The following ZNF514 variants were observed in gnomAD, a reference collection of about 807,000 sequenced individuals.
ZNF514 encodes the protein zinc finger protein 514.
ZNF514 carries 12 observed loss-of-function variants against 9.7 expected under a neutral mutation model. The observed-to-expected ratio is 1.24, with a 90% CI of 0.79 to 2.01. ZNF514 has a LOEUF of 2.01. Ranked by LOEUF, ZNF514 falls within the 30% of genes most tolerant of loss-of-function variation. The probability of loss-of-function intolerance (pLI) is 0.00; values close to 1 mark genes in which losing one functional copy is unlikely to be tolerated. For synonymous variants in ZNF514, 158 were observed against 163.7 expected (o/e 0.97, Z 0.27); for missense variants, 467 against 465.5 (o/e 1.00, Z -0.03).
rs200080144 is a variant in ZNF514, at chr2:95,149,530, G to A, written c.955C>T (p.Arg319Trp). ...THTGEKPYEC[R>W]ECGRTFSQSS... The stretch of plus-strand genomic sequence containing the variant: ...TGGCTGAAGGTTCTCCCACATTCCC[G>A]GCATTCATAGGGCTTTTCTCCAGTA... Residue 319 changes from arginine (R) to tryptophan (W), a missense_variant, in exon 5 of 5, where the codon CGG (arginine) becomes TGG (tryptophan). Physicochemically the swap from Arg to Trp is moderately radical, Grantham distance 101 (BLOSUM62 -3). Transcript: ENST00000295208. 1.2e-4 allele frequency: 192 copies of A among 1,612,780 alleles called. No individual in the cohort carries two copies. The highest frequency in any genetic ancestry group is 1.6e-4 in the Middle Eastern group (1 of 6,074).
chr2:95,127,950 G>T, the ZNF514 span, among the ~76,000 whole-genome samples: 1 of 151,850 alleles, frequency 6.6e-6, no homozygotes, highest in African/African-American at 2.4e-5. Context: ...CTATATTTTT[G>T]ACCTAAAGAG....
chr2:95,154,892 G>C (rs1673648796), intron 2 of ZNF514: 1 of 152,130 alleles, frequency 6.6e-6, no homozygotes, highest in African/African-American at 2.4e-5. Context: ...AATTTCAAAA[G>C]GCTCCCAGTA....
chr2:95,157,222 G>C, intron 2 of ZNF514, 129 bp downstream of exon 2: 1 of 475,952 alleles, frequency 2.1e-6, no homozygotes, highest in Non-Finnish European at 3.7e-6. Context: ...CACTTGGATG[G>C]GCTCAGCCTC....
chr2:95,156,096 G>A (rs1673679680), intron 2 of ZNF514, among the ~76,000 whole-genome samples: 1 of 152,230 alleles, frequency 6.6e-6, no homozygotes, highest in Non-Finnish European at 1.5e-5. Context: ...TCTGAATGAT[G>A]TACATCAGGG....
In ZNF514 at chr2:95,148,420, A is replaced by G. The variant is rs921828591; in HGVS notation, c.*862T>C. ...GATTTCTCAGCTTCTTTTCAGCTCT[A>G]GTTTTATACATCTCAAGTTGGAAAG... is the stretch of plus-strand genomic sequence containing the variant. On this transcript the variant is annotated 3_prime_UTR_variant, in exon 5 of 5. Coordinates refer to ENST00000295208, the MANE Select transcript of ZNF514 (RefSeq NM_032788.3). 4 of 152,210 alleles carry G rather than the reference A, an allele frequency of 2.6e-5. No individual in the cohort carries two copies. The highest frequency in any genetic ancestry group is 9.6e-5 in the African/African-American group (4 of 41,454). The allele number at this position is 152,210 out of a possible 1,614,324, so 9.4% of individuals were successfully genotyped here. A position where few individuals can be genotyped will look rare whatever the true frequency, so the allele number is the denominator to read the frequency against.
chr2:95,150,161 C>T lies in ZNF514; in HGVS notation c.324G>A (p.Leu108=), dbSNP rs766532512. 3 of 1,610,022 alleles carry T rather than the reference C, an allele frequency of 1.9e-6. No homozygotes were observed. The highest frequency in any genetic ancestry group is 2.5e-6 in the Non-Finnish European group (3 of 1,179,984). ...AGGCTGCTTTCAACTTCGAGAACTG[C>T]AGCACATCTTGAATGTGTTTTTCCA... ...VSVEKHIQDV[L]QFSKLKAACG... Residue 108 remains leucine (L), a synonymous_variant, in exon 5 of 5, where the codon CTG becomes CTA. Transcript: ENST00000295208.
At chr2:95,129,748 G>T in the ZNF514 span, among the ~76,000 whole-genome samples, 6 of 152,154 alleles carry the variant, frequency 3.9e-5, no homozygotes, top group African/African-American at 1.2e-4. Context: ...GCTCAGAGAT[G>T]TTGCCCAGTA....
In ZNF514 at chr2:95,148,004, A is replaced by G. The variant is rs555490781; in HGVS notation, c.*1278T>C. On this transcript the variant is annotated 3_prime_UTR_variant, in exon 5 of 5. Coordinates refer to ENST00000295208, the MANE Select transcript of ZNF514 (RefSeq NM_032788.3). Reference sequence around the variant, plus strand: ...TTTCAAAAATTCCAAATCTATTAGCATAAAGATGTAACAAAAATTGCTTTT... The same window carrying G: ...TTTCAAAAATTCCAAATCTATTAGCGTAAAGATGTAACAAAAATTGCTTTT... The G allele has an allele frequency of 6.1e-4, 93 of 152,368 alleles. No individual in the cohort carries two copies. The highest frequency in any genetic ancestry group is 2.2e-3 in the African/African-American group (90 of 41,576). The allele number at this position is 152,368 out of a possible 1,614,324, so 9.4% of individuals were successfully genotyped here.
intron 1 of ZNF514, chr2:95,158,998 A>G: frequency 1.6e-6 from 2 of 1,281,596 alleles, no homozygotes; most frequent in Non-Finnish European, 2.0e-6. Flanking sequence ...GGGGCTAAGG[A>G]GCGGCGTCCT....
At chr2:95,131,034 C>T in the ZNF514 span, among the ~76,000 whole-genome samples, 2 of 152,226 alleles carry the variant, frequency 1.3e-5, no homozygotes, top group African/African-American at 4.8e-5. Flanking sequence ...TCACAATTCA[C>T]GTTCTTCTGC....
chr2:95,140,898 C>T (rs1180816033), downstream of ZNF514, among the ~76,000 whole-genome samples: 1 of 151,734 alleles, frequency 6.6e-6, no homozygotes, highest in African/African-American at 2.4e-5. Flanking sequence ...TTGCTTGAAC[C>T]CGGGAGGTGG....
At chr2:95,142,465 T>G (rs1355784966), downstream of ZNF514, among the ~76,000 whole-genome samples, 1 of 152,196 alleles carries the variant, frequency 6.6e-6, no homozygotes, top group East Asian at 1.9e-4. Flanking sequence ...GAAGAGACAT[T>G]AATAGGAATC....
the ZNF514 span, among the ~76,000 whole-genome samples, chr2:95,123,437 C>G: frequency 2.6e-5 from 4 of 152,254 alleles, no homozygotes; most frequent in Non-Finnish European, 4.4e-5. Flanking sequence ...TTACTCTTAT[C>G]TTCTTCCCAC....
At chr2:95,133,498 G>A in the ZNF514 span, among the ~76,000 whole-genome samples, 8 of 152,136 alleles carry the variant, frequency 5.3e-5, no homozygotes, top group Non-Finnish European at 1.0e-4. Context: ...GGCTATTCAA[G>A]GGCAACATGA....
Position 95,149,709 on chromosome 2 carries a change from G to C in ZNF514, c.776C>G (p.Pro259Arg). ...TCTCCCACATTCACTGCATTCATAG[G>C]GCTTTTCTCCAGTATGAGTTCTTTG... ...KHQRTHTGEK[P>R]YECSECGRAF... Residue 259 changes from proline to arginine, a missense_variant, in exon 5 of 5, where the codon CCC becomes CGC. Pro to Arg is a moderately radical substitution (Grantham distance 103). Transcript: ENST00000295208. 6.2e-7 allele frequency: 1 copy of C among 1,614,202 alleles called. No homozygotes were observed. The highest frequency in any genetic ancestry group is 1.1e-5 in the South Asian group (1 of 91,086).
At chr2:95,141,018 TTCAGGGAC>T (rs1375704527), downstream of ZNF514, among the ~76,000 whole-genome samples, 1 of 151,400 alleles carries the variant, frequency 6.6e-6, no homozygotes. Flanking sequence ...ACAGACGGAC[TTCAGGGAC>T]TCAGGGACTC....
rs1673592003 is a variant in ZNF514, at chr2:95,153,214, C to G, written c.40G>C (p.Glu14Gln). ...EDVAVEFSQW[E>Q]WGQLNPAQKD... ...TGAGCAGGGTTCAGCTGCCCCCACT[C>G]CCACTGGCTGAATTCCACAGCCACA... The change falls in exon 3 of 5, where the codon GAG becomes CAG. Residue 14 changes from glutamate to glutamine, a missense_variant. Coordinates refer to ENST00000295208, the MANE Select transcript of ZNF514 (RefSeq NM_032788.3). 6.2e-7 allele frequency: 1 copy of G among 1,614,096 alleles called. No individual in the cohort carries two copies. Among genetic ancestry groups the G allele is most frequent in the South Asian group, 1.1e-5 (1 of 91,076 alleles).
the ZNF514 span, among the ~76,000 whole-genome samples, chr2:95,127,878 G>T: frequency 6.6e-6 from 1 of 152,068 alleles, no homozygotes; most frequent in Non-Finnish European, 1.5e-5. Flanking sequence ...CAAAGTGCTG[G>T]GATCACAGGC....
At chr2:95,133,337 A>C in the ZNF514 span, among the ~76,000 whole-genome samples, 1 of 152,180 alleles carries the variant, frequency 6.6e-6, no homozygotes, top group Non-Finnish European at 1.5e-5. Context: ...CTGTCTCAAA[A>C]AGAAAAAGAA....
Sources: gnomAD v4.1 joint callset for allele counts (sites outside exome capture counted in the v4.1 genomes callset) on GRCh38, gnomAD v4.1.1 for gene constraint, MANE v1.5 for transcripts, NCBI Gene and HGNC (gene_info 2026-07-23, HGNC 2026-07-21) for gene names.